CNTNAP5: variants seen among roughly 807,000 people sequenced by gnomAD.
CNTNAP5 encodes contactin associated protein family member 5, also known as contactin-associated protein-like 5.
In CNTNAP5, 72 loss-of-function variants were observed where a neutral mutation model predicts 150.2. The observed-to-expected ratio is 0.48, with a 90% CI of 0.40 to 0.58. The LOEUF is 0.58. Ranked by LOEUF, CNTNAP5 falls within the 20% of genes least tolerant of loss-of-function variation. CNTNAP5 has a pLI of 0.00. For synonymous variants in CNTNAP5, 672 were observed against 619.8 expected (o/e 1.08, Z -1.25); for missense variants, 1,636 against 1,626.2 (o/e 1.01, Z -0.10).
At chr2:124,543,276 A>G (rs998798290) in intron 10 of CNTNAP5, among the ~76,000 whole-genome samples, 1 of 151,628 alleles carries the variant, frequency 6.6e-6, no homozygotes, top group African/African-American at 2.4e-5. Flanking sequence ...AAGGAAGCAT[A>G]GGAGCACATT....
At chr2:124,680,250 C>T (rs1679035945) in intron 13 of CNTNAP5, among the ~76,000 whole-genome samples, 1 of 151,862 alleles carries the variant, frequency 6.6e-6, no homozygotes, top group South Asian at 2.1e-4. Flanking sequence ...TTAGGTTCCT[C>T]CTTTGGAAGT....
intron 3 of CNTNAP5, among the ~76,000 whole-genome samples, chr2:124,356,114 T>A (rs1016082885): frequency 7.2e-5 from 11 of 152,142 alleles, no homozygotes; most frequent in African/African-American, 2.7e-4. Flanking sequence ...GAATAAAGAT[T>A]GTCCCATGAT....
intron 1 of CNTNAP5, among the ~76,000 whole-genome samples, chr2:124,174,110 G>GAA (rs3063417): frequency 7.0e-6 from 1 of 143,000 alleles, no homozygotes; most frequent in Non-Finnish European, 1.5e-5. Flanking sequence ...TACTGCTCAG[G>GAA]AAAAAAAAAA....
chr2:124,821,690 G>A (rs977966034), intron 19 of CNTNAP5, among the ~76,000 whole-genome samples: 1 of 152,122 alleles, frequency 6.6e-6, no homozygotes, highest in Non-Finnish European at 1.5e-5. Context: ...GATCTTAGGA[G>A]AGGCTATAGC....
chr2:124,842,933 G>T (rs911409278), intron 19 of CNTNAP5, among the ~76,000 whole-genome samples: 1 of 151,888 alleles, frequency 6.6e-6, no homozygotes, highest in African/African-American at 2.4e-5. Context: ...TAGGTTTTGG[G>T]GGAACAGGTG....
At chr2:124,228,509 A>C (rs1022782412) in intron 2 of CNTNAP5, among the ~76,000 whole-genome samples, 1 of 152,206 alleles carries the variant, frequency 6.6e-6, no homozygotes, top group Non-Finnish European at 1.5e-5. Flanking sequence ...TCTCTATTGG[A>C]CACACATTTA....
At position 124,446,643 on chromosome 2, in the gene CNTNAP5, T is replaced by A. The variant is rs528944369; in HGVS notation, c.734-110T>A. 3 of 1,022,528 alleles carry A rather than the reference T, an allele frequency of 2.9e-6. No individual in the cohort carries two copies. The African/African-American group carries it at 4.8e-5, about 16-fold the overall frequency. The allele number at this position is 1,022,528 out of a possible 1,614,324, so 63.3% of individuals were successfully genotyped here. ...ACAGTTCCAGGCCTGTAGGGAGACA[T>A]CATTCTTTGCCTTTAGAACAGATAT... is the stretch of plus-strand genomic sequence containing the variant. On this transcript the variant is annotated intron_variant, in intron 5 of 23. Transcript: ENST00000682447.
At chr2:124,032,403 T>C (rs986669231) in intron 1 of CNTNAP5, among the ~76,000 whole-genome samples, 1 of 152,120 alleles carries the variant, frequency 6.6e-6, no homozygotes, top group East Asian at 1.9e-4. Context: ...CAGGTAATGA[T>C]TATAGTCAGA....
rs983844501 is a variant in CNTNAP5 at position 124,075,123 on chromosome 2, C to T, written c.82+49391C>T. Among the ~76,000 whole-genome samples, 6 of 152,126 alleles carry T rather than the reference C, an allele frequency of 3.9e-5. No individual in the cohort carries two copies. The East Asian group carries it at 9.7e-4, about 25-fold the overall frequency. ...GGGATATGAAAAAATATAACTTATACGTATTTAGTACACCCTAATTTAAAA... is the reference window on the plus strand; with the variant it reads ...GGGATATGAAAAAATATAACTTATATGTATTTAGTACACCCTAATTTAAAA... On this transcript the variant is annotated intron_variant, in intron 1 of 23. Transcript: ENST00000682447.
intron 3 of CNTNAP5, among the ~76,000 whole-genome samples, chr2:124,316,929 C>CA (rs1032867901): frequency 8.0e-5 from 12 of 150,716 alleles, no homozygotes; most frequent in African/African-American, 2.2e-4. Context: ...TGGTCACACA[C>CA]AAAAAAAACT....
chr2:124,332,338 T>C (rs1290524198), intron 3 of CNTNAP5, among the ~76,000 whole-genome samples: 2 of 151,304 alleles, frequency 1.3e-5, no homozygotes, highest in Non-Finnish European at 3.0e-5. Flanking sequence ...TTTCCATTAA[T>C]TTTAGTAATT....
chr2:124,304,411 T>C (rs1305247010), intron 3 of CNTNAP5, among the ~76,000 whole-genome samples: 3 of 151,478 alleles, frequency 2.0e-5, no homozygotes, highest in South Asian at 2.1e-4. Flanking sequence ...AGAAAACAGA[T>C]GATATAAAAA....
intron 1 of CNTNAP5, among the ~76,000 whole-genome samples, chr2:124,191,642 C>T (rs1685459569): frequency 6.6e-6 from 1 of 152,004 alleles, no homozygotes; most frequent in Non-Finnish European, 1.5e-5. Context: ...CTGGCTGGGC[C>T]CAGTGGCTCA....
intron 11 of CNTNAP5, among the ~76,000 whole-genome samples, chr2:124,597,286 G>T (rs1295247865): frequency 1.3e-5 from 2 of 150,650 alleles, no homozygotes; most frequent in African/African-American, 4.9e-5. Context: ...GGTACCGGTT[G>T]TTCCTTTCCA....
At chr2:124,164,201 G>A (rs957195088) in intron 1 of CNTNAP5, among the ~76,000 whole-genome samples, 19 of 152,166 alleles carry the variant, frequency 1.2e-4, no homozygotes, top group African/African-American at 3.1e-4. Context: ...CCATGAACAC[G>A]CAATACTCCT....
rs762560770 is a variant in CNTNAP5 at position 124,103,702 on chromosome 2, A to G, written c.82+77970A>G. Among the ~76,000 whole-genome samples the G allele has an allele frequency of 7.4e-4, 113 of 151,938 alleles. 2 individuals are homozygous for G. The highest frequency in any genetic ancestry group is 2.8e-4 in the Non-Finnish European group (19 of 68,004). On this transcript the variant is annotated intron_variant, in intron 1 of 23. Coordinates refer to ENST00000682447, the MANE Select transcript of CNTNAP5 (RefSeq NM_001367498.1). ...TAGGCTATACTGTCTAGATGCGTGT[A>G]AGGACACACTGATGTTCAATTACAA...
At chr2:124,218,520 T>G (rs1686219777) in intron 1 of CNTNAP5, among the ~76,000 whole-genome samples, 1 of 152,146 alleles carries the variant, frequency 6.6e-6, no homozygotes, top group African/African-American at 2.4e-5. Context: ...ACTGTTCAAA[T>G]GCATAGGGTC....
Position 124,686,961 on chromosome 2 carries a change from T to C in CNTNAP5, c.2077+39003T>C, listed in dbSNP as rs185373262. Among the ~76,000 whole-genome samples the C allele has an allele frequency of 2.1e-3, 327 of 152,264 alleles. 1 individual carries two copies. The highest frequency in any genetic ancestry group is 7.6e-3 in the African/African-American group (316 of 41,562). Reference sequence around the variant, plus strand: ...ACGGTAGAAATGTTCTTAGCTACACTGTCCAATATGGCAGCCACTAGCCCT... The same window carrying C: ...ACGGTAGAAATGTTCTTAGCTACACCGTCCAATATGGCAGCCACTAGCCCT... On this transcript the variant is annotated intron_variant, in intron 13 of 23. Coordinates refer to ENST00000682447, the MANE Select transcript of CNTNAP5 (RefSeq NM_001367498.1).
intron 19 of CNTNAP5, among the ~76,000 whole-genome samples, chr2:124,861,505 T>G (rs1249737359): frequency 6.6e-6 from 1 of 151,950 alleles, no homozygotes; most frequent in Non-Finnish European, 1.5e-5. Context: ...GGAGAATCAC[T>G]TGAACCCAGG....
Sources: allele counts gnomAD v4.1 joint callset (sites outside exome capture counted in the v4.1 genomes callset), GRCh38; gene constraint gnomAD v4.1.1; transcripts MANE v1.5; gene names NCBI Gene and HGNC (gene_info 2026-07-23, HGNC 2026-07-21).